OSBPL6: variants seen among roughly 807,000 people sequenced by gnomAD.
OSBPL6 encodes oxysterol-binding protein-related protein 6.
OSBPL6 carries 49 observed loss-of-function variants against 125.8 expected under a neutral mutation model. The ratio of observed to expected loss-of-function variants is 0.39; its 90% CI spans 0.31 to 0.49. The LOEUF (loss-of-function observed/expected upper bound fraction) is 0.49. Ranked by LOEUF, OSBPL6 falls within the 20% of genes least tolerant of loss-of-function variation. The probability of loss-of-function intolerance (pLI) is 0.88; values close to 1 mark genes in which losing one functional copy is unlikely to be tolerated. For synonymous variants in OSBPL6, 394 were observed against 391.8 expected, an observed-to-expected ratio of 1.01 and a Z score of -0.07; for missense variants, 986 against 1,135.4, an observed-to-expected ratio of 0.87 and a Z score of 1.89.
rs2088745483 is a variant in OSBPL6 at position 178,194,649 on chromosome 2, C to T, written c.-376C>T. ...CGCAGCCGCGCAGCCGCCGCAGAGTCCGCGGCGCCACCGCTCGCCCTCCAG... is the reference window on the plus strand; with the variant it reads ...CGCAGCCGCGCAGCCGCCGCAGAGTTCGCGGCGCCACCGCTCGCCCTCCAG... On this transcript the variant is annotated 5_prime_UTR_variant, in exon 1 of 25. Transcript: ENST00000190611. 1 of 152,950 alleles carries T rather than the reference C, an allele frequency of 6.5e-6. No homozygotes were observed. Among genetic ancestry groups the T allele is most frequent in the Non-Finnish European group, 1.5e-5 (1 of 68,742 alleles). The allele number at this position is 152,950 out of a possible 1,614,324, so 9.5% of individuals were successfully genotyped here.
intron 9 of OSBPL6, 54 bp from the exon 10 acceptor site, chr2:178,338,937 C>A: frequency 7.9e-7 from 1 of 1,260,788 alleles, no homozygotes; most frequent in Non-Finnish European, 1.1e-6. Context: ...TTATTACCAT[C>A]CCCACCGCTC....
At chr2:178,216,051 G>A (rs2090082596) in intron 1 of OSBPL6, among the ~76,000 whole-genome samples, 1 of 152,170 alleles carries the variant, frequency 6.6e-6, no homozygotes, top group African/African-American at 2.4e-5. Context: ...TGAGGGGGCT[G>A]GCTAGGCAAG....
chr2:178,391,672 C>T (rs1394663811), intron 22 of OSBPL6, among the ~76,000 whole-genome samples: 2 of 152,204 alleles, frequency 1.3e-5, no homozygotes, highest in Non-Finnish European at 2.9e-5. Flanking sequence ...CCTCAAGAGA[C>T]AGCAATATGT....
intron 20 of OSBPL6, among the ~76,000 whole-genome samples, chr2:178,387,556 A>G (rs1695050059): frequency 6.6e-6 from 1 of 152,232 alleles, no homozygotes; most frequent in African/African-American, 2.4e-5. Flanking sequence ...CTGCCTCTAA[A>G]TATTTTGAAA....
intron 1 of OSBPL6, among the ~76,000 whole-genome samples, chr2:178,250,012 T>G (rs747012974): frequency 6.6e-6 from 1 of 152,198 alleles, no homozygotes; most frequent in Non-Finnish European, 1.5e-5. Flanking sequence ...CAATACCTGC[T>G]AATATTTTAC....
At chr2:178,287,105 G>C (rs529499326) in intron 2 of OSBPL6, among the ~76,000 whole-genome samples, 2 of 149,262 alleles carry the variant, frequency 1.3e-5, no homozygotes, top group Non-Finnish European at 3.0e-5. Context: ...TAAACTCAAC[G>C]TGGGGAAACT....
intron 1 of OSBPL6, among the ~76,000 whole-genome samples, chr2:178,270,115 AC>A (rs2092344181): frequency 6.6e-6 from 1 of 152,064 alleles, no homozygotes; most frequent in Admixed American, 6.6e-5. Flanking sequence ...CTGTGATAGG[AC>A]CCCTGCAGCA....
chr2:178,333,687 T>C (rs1689424272), intron 8 of OSBPL6, among the ~76,000 whole-genome samples: 1 of 152,242 alleles, frequency 6.6e-6, no homozygotes, highest in South Asian at 2.1e-4. Context: ...GGTGCCTTCC[T>C]GGATGGTAAT....
At chr2:178,364,904 G>T (rs376566151) in intron 13 of OSBPL6, among the ~76,000 whole-genome samples, 1 of 152,158 alleles carries the variant, frequency 6.6e-6, no homozygotes, top group Non-Finnish European at 1.5e-5. Flanking sequence ...CAGGCTGGCC[G>T]GGCGCGGTGG....
In OSBPL6 at chr2:178,308,891, T is replaced by C. The variant is rs548780794; in HGVS notation, c.102+2605T>C. ...CACTATCTCACTTATGGCCTCACCA[T>C]TTCAAATGTCCTGAGTAGGGCAGAT... On this transcript the variant is annotated intron_variant, in intron 3 of 24. Transcript: ENST00000190611. Among the ~76,000 whole-genome samples, 5 of 152,322 alleles carry C rather than the reference T, an allele frequency of 3.3e-5. No individual in the cohort carries two copies. The East Asian group carries it at 9.6e-4, about 29-fold the overall frequency.
At chr2:178,372,073 T>G in intron 13 of OSBPL6, 53 bp from the exon 14 acceptor site, 2 of 1,363,394 alleles carry the variant, frequency 1.5e-6, no homozygotes, top group South Asian at 2.4e-5. Context: ...CTTGTTCTGT[T>G]TTATGCTTGC....
chr2:178,209,321 G>T (rs2089717520), intron 1 of OSBPL6, among the ~76,000 whole-genome samples: 2 of 151,210 alleles, frequency 1.3e-5, no homozygotes, highest in African/African-American at 2.4e-5. Flanking sequence ...CTACTTTCTG[G>T]GTGATTTCCT....
intron 1 of OSBPL6, among the ~76,000 whole-genome samples, chr2:178,282,382 G>T (rs558146819): frequency 2.0e-5 from 3 of 152,122 alleles, no homozygotes; most frequent in Non-Finnish European, 4.4e-5. Flanking sequence ...AGGAAACAGC[G>T]GGAAGGAAAG....
chr2:178,344,689 A>G (rs1690541678), intron 11 of OSBPL6, among the ~76,000 whole-genome samples: 1 of 151,464 alleles, frequency 6.6e-6, no homozygotes, highest in African/African-American at 2.4e-5. Flanking sequence ...TTTTGACCAT[A>G]CTGATATTGG....
At position 178,310,951 on chromosome 2, in the gene OSBPL6, A is replaced by G. The variant is rs936570344; in HGVS notation, c.102+4665A>G. On this transcript the variant is annotated intron_variant, in intron 3 of 24. Transcript: ENST00000190611. ...ACCTGGACTATCGTCACAGTTTTCC[A>G]GTGGGTCTCCCTGCTTCTGTCCTTG... 3.3e-5 allele frequency among the ~76,000 whole-genome samples: 5 copies of G among 152,258 alleles called. No individual in the cohort carries two copies. The East Asian group carries it at 9.7e-4, about 29-fold the overall frequency.
chr2:178,358,673 C>T (rs1189550302), intron 12 of OSBPL6, among the ~76,000 whole-genome samples: 1 of 152,108 alleles, frequency 6.6e-6, no homozygotes, highest in African/African-American at 2.4e-5. Context: ...GCAAAAGCTC[C>T]TTGACATTGT....
At chr2:178,270,787 A>T (rs2092359560) in intron 1 of OSBPL6, among the ~76,000 whole-genome samples, 1 of 152,168 alleles carries the variant, frequency 6.6e-6, no homozygotes, top group Non-Finnish European at 1.5e-5. Context: ...GAAAAAGAAA[A>T]ATGTTAACCT....
Position 178,267,709 on chromosome 2 carries a change from T to C in OSBPL6, c.-350-17218T>C, listed in dbSNP as rs370956970. On this transcript the variant is annotated intron_variant, in intron 1 of 24. Transcript: ENST00000190611. ...CACCTGCCTGCTGTGTATAAGATAC[T>C]GCACTAGGCATTTAACAGCATAGAA... Among the ~76,000 whole-genome samples, 9 of 152,174 alleles carry C rather than the reference T, an allele frequency of 5.9e-5. No individual in the cohort carries two copies. In the East Asian group the frequency reaches 1.7e-3, roughly 29 times the overall value.
chr2:178,244,665 C>T (rs1255267010), intron 1 of OSBPL6, among the ~76,000 whole-genome samples: 1 of 152,146 alleles, frequency 6.6e-6, no homozygotes, highest in African/African-American at 2.4e-5. Context: ...TTCTGAATAT[C>T]CTGGCATTTG....
Sources: allele counts gnomAD v4.1 joint callset (sites outside exome capture counted in the v4.1 genomes callset), GRCh38; gene constraint gnomAD v4.1.1; transcripts MANE v1.5; gene names NCBI Gene and HGNC (gene_info 2026-07-23, HGNC 2026-07-21).